The following CDH8 variants were observed in gnomAD, a reference collection of about 807,000 sequenced individuals.
CDH8 encodes cadherin-8.
In CDH8, 17 loss-of-function variants were observed where a neutral mutation model predicts 68.1. The ratio of observed to expected loss-of-function variants is 0.25; its 90% CI spans 0.17 to 0.37. The LOEUF (loss-of-function observed/expected upper bound fraction) is 0.37, where lower values mean the gene tolerates loss of function less well. Ranked by LOEUF, CDH8 falls within the 10% of genes least tolerant of loss-of-function variation. The pLI, the probability that CDH8 is intolerant of heterozygous loss-of-function variation, is 1.00. For synonymous variants in CDH8, 372 were observed against 365.1 expected (o/e 1.02, Z -0.21); for missense variants, 763 against 999.3 (o/e 0.76, Z 3.19).
intron 2 of CDH8, among the ~76,000 whole-genome samples, chr16:61,993,661 G>GTCCTCCAGT (rs1965764168): frequency 6.6e-6 from 1 of 152,096 alleles, no homozygotes; most frequent in Non-Finnish European, 1.5e-5. Flanking sequence ...ACAGCCCCCT[G>GTCCTCCAGT]TCCTCCAGTT....
intron 2 of CDH8, chr16:61,938,100 A>T (rs1036990589): frequency 3.9e-5 from 6 of 152,186 alleles, no homozygotes; most frequent in Non-Finnish European, 7.4e-5. Context: ...AGTCATCAGG[A>T]TAAAAGTAAT....
intron 8 of CDH8, among the ~76,000 whole-genome samples, chr16:61,768,372 T>TCTCTCTCTCTC (rs1960676792): frequency 2.6e-5 from 1 of 38,934 alleles, no homozygotes; most frequent in Non-Finnish European, 4.4e-5. Flanking sequence ...CTCTCTCCCT[T>TCTCTCTCTCTC]TCTCTCTCTC....
chr16:62,012,100 C>A (rs562526930), intron 2 of CDH8, among the ~76,000 whole-genome samples: 4 of 152,264 alleles, frequency 2.6e-5, no homozygotes, highest in Admixed American at 6.5e-5. Context: ...TTTTAAAATA[C>A]CACTGTCTAG....
At chr16:61,833,135 G>C (rs1309130501) in intron 4 of CDH8, among the ~76,000 whole-genome samples, 1 of 151,460 alleles carries the variant, frequency 6.6e-6, no homozygotes, top group African/African-American at 2.4e-5. Flanking sequence ...TTTAGACTCA[G>C]TATTATTGTT....
chr16:61,932,064 G>T (rs1414603189), intron 2 of CDH8, among the ~76,000 whole-genome samples: 2 of 151,856 alleles, frequency 1.3e-5, no homozygotes, highest in Admixed American at 6.6e-5. Context: ...AAAATTAGCC[G>T]GGCGTGGTGG....
At chr16:61,782,443 C>A (rs1274787005) in intron 8 of CDH8, among the ~76,000 whole-genome samples, 1 of 152,098 alleles carries the variant, frequency 6.6e-6, no homozygotes, top group African/African-American at 2.4e-5. Flanking sequence ...GTCCTACGCC[C>A]ACGGAGTCTC....
chr16:61,798,512 C>T (rs1961548221), intron 7 of CDH8, among the ~76,000 whole-genome samples: 1 of 152,108 alleles, frequency 6.6e-6, no homozygotes, highest in Non-Finnish European at 1.5e-5. Context: ...GAAATTTTTA[C>T]TTTATTTAAT....
At chr16:61,839,071 G>C (rs191096903) in intron 4 of CDH8, among the ~76,000 whole-genome samples, 17 of 152,150 alleles carry the variant, frequency 1.1e-4, no homozygotes, top group African/African-American at 4.1e-4. Flanking sequence ...AATTCAAATA[G>C]CTCTCTCCTT....
In CDH8 at chr16:61,647,768, G is replaced by T; in HGVS notation, c.*5840C>A. 1.4e-6 allele frequency: 1 copy of T among 698,206 alleles called. No individual in the cohort carries two copies. Among genetic ancestry groups the T allele is most frequent in the Non-Finnish European group, 2.6e-6 (1 of 382,084 alleles). 43.3% of individuals were successfully genotyped at this position (698,206 alleles called of 1,614,324 possible). ...TCCCAAGAAATTAACATTTGGCTTT[G>T]GTGACCTCTCATTTCCTTTTCTGGT... is the stretch of plus-strand genomic sequence containing the variant. On this transcript the variant is annotated 3_prime_UTR_variant, in exon 12 of 12. Transcript: ENST00000577390.
At chr16:61,873,954 G>A (rs544931993) in intron 3 of CDH8, among the ~76,000 whole-genome samples, 2 of 152,214 alleles carry the variant, frequency 1.3e-5, no homozygotes, top group South Asian at 4.1e-4. Flanking sequence ...TACTCAGGAG[G>A]CTGAGGCAGA....
chr16:61,990,851 C>T (rs533811899), intron 2 of CDH8, among the ~76,000 whole-genome samples: 11 of 100,858 alleles, frequency 1.1e-4, no homozygotes, highest in Admixed American at 8.5e-4. Context: ...AGAGATGGAA[C>T]GAAGGGAGGG....
chr16:61,957,886 C>G (rs1181214286), intron 2 of CDH8, among the ~76,000 whole-genome samples: 1 of 152,138 alleles, frequency 6.6e-6, no homozygotes. Context: ...TCTTTATATT[C>G]CAAGAACCTA....
chr16:61,993,184 C>G (rs1327550664), intron 2 of CDH8, among the ~76,000 whole-genome samples: 2 of 152,162 alleles, frequency 1.3e-5, no homozygotes, highest in Admixed American at 6.5e-5. Flanking sequence ...TTTCATAACT[C>G]ACTCAGGTTA....
intron 8 of CDH8, among the ~76,000 whole-genome samples, chr16:61,788,722 C>T (rs1468801324): frequency 3.3e-5 from 5 of 151,840 alleles, no homozygotes; most frequent in African/African-American, 7.3e-5. Flanking sequence ...ATTTTAACAA[C>T]CCTAGACTCT....
chr16:61,653,821 C>G lies in CDH8; in HGVS notation c.2187G>C (p.Leu729=). Residue 729 remains leucine, a synonymous_variant, in exon 12 of 12, where the codon CTG becomes CTC. Transcript: ENST00000577390. ...CCGTGGGATCATTATCTGCCTCATG[C>G]AGCCTTACATTTATAAATTCATCGA... ...VDVDEFINVR[L]HEADNDPTAP... is the part of the protein sequence containing the mutation. The G allele has an allele frequency of 6.2e-7, 1 of 1,614,160 alleles. No homozygotes were observed. Among genetic ancestry groups the G allele is most frequent in the Non-Finnish European group, 8.5e-7 (1 of 1,180,038 alleles).
At chr16:61,736,098 G>GGAAAGAAA (rs1260262826) in intron 8 of CDH8, among the ~76,000 whole-genome samples, 3,236 of 99,138 alleles carry the variant, frequency 0.033, 70 homozygotes, top group Middle Eastern at 0.068. Context: ...CAAGAAAGAA[G>GGAAAGAAA]GAAAGAAAGA....
intron 5 of CDH8, among the ~76,000 whole-genome samples, chr16:61,823,475 A>T (rs1962261375): frequency 6.6e-6 from 1 of 151,912 alleles, no homozygotes; most frequent in Non-Finnish European, 1.5e-5. Flanking sequence ...TGACTCAACT[A>T]TGCATCACAC....
intron 10 of CDH8, among the ~76,000 whole-genome samples, chr16:61,661,166 A>T (rs1004618061): frequency 2.0e-5 from 3 of 152,040 alleles, no homozygotes; most frequent in African/African-American, 7.2e-5. Flanking sequence ...ATAGTGGCAT[A>T]CTCTAATATC....
intron 8 of CDH8, among the ~76,000 whole-genome samples, chr16:61,765,438 G>C (rs1186124209): frequency 6.6e-6 from 1 of 151,982 alleles, no homozygotes. Flanking sequence ...ATCAAAATTA[G>C]TTGAGATACT....
Sources: gnomAD v4.1 joint callset for allele counts (sites outside exome capture counted in the v4.1 genomes callset) on GRCh38, gnomAD v4.1.1 for gene constraint, MANE v1.5 for transcripts, NCBI Gene and HGNC (gene_info 2026-07-23, HGNC 2026-07-21) for gene names.